TNFRSF10B: variants seen among roughly 807,000 people sequenced by gnomAD.
TNFRSF10B encodes TNF receptor superfamily member 10b.
TNFRSF10B carries 35 observed loss-of-function variants against 41.4 expected under a neutral mutation model. That is an observed-to-expected ratio of 0.85 (90% CI 0.65 to 1.12). The LOEUF (loss-of-function observed/expected upper bound fraction) is 1.12, where lower values mean the gene tolerates loss of function less well. Ranked by LOEUF, TNFRSF10B falls within the 50% of genes most tolerant of loss-of-function variation. The pLI, the probability that TNFRSF10B is intolerant of heterozygous loss-of-function variation, is 0.00. For synonymous variants in TNFRSF10B, 230 were observed against 215.5 expected (o/e 1.07, Z -0.59); for missense variants, 584 against 552.7 (o/e 1.06, Z -0.57).
intron 2 of TNFRSF10B, among the ~76,000 whole-genome samples, chr8:23,035,156 T>A (rs1004945117): frequency 2.0e-5 from 3 of 152,002 alleles, no homozygotes; most frequent in African/African-American, 4.8e-5. Context: ...TTTTTTTTTT[T>A]AATTAAACAG....
At chr8:23,067,323 C>G (rs1449958752) in intron 1 of TNFRSF10B, among the ~76,000 whole-genome samples, 1 of 152,042 alleles carries the variant, frequency 6.6e-6, no homozygotes, top group Non-Finnish European at 1.5e-5. Flanking sequence ...AACATAAACT[C>G]TAAAACCCCA....
At chr8:23,041,435 G>C (rs958404264) in intron 2 of TNFRSF10B, among the ~76,000 whole-genome samples, 2 of 152,080 alleles carry the variant, frequency 1.3e-5, no homozygotes, top group Non-Finnish European at 2.9e-5. Context: ...GGAAGGCCGA[G>C]GTGAGAGGAT....
intron 2 of TNFRSF10B, among the ~76,000 whole-genome samples, chr8:23,033,585 C>CAAA (rs59282000): frequency 1.4e-4 from 9 of 62,278 alleles, no homozygotes; most frequent in Admixed American, 4.3e-4. Context: ...GACTCCGTCT[C>CAAA]AAAAAAAAAA....
In TNFRSF10B at chr8:23,038,521, C is replaced by T. The variant is rs563696755; in HGVS notation, c.250+4617G>A. Among the ~76,000 whole-genome samples the T allele has an allele frequency of 1.5e-4, 23 of 152,234 alleles. 1 individual carries two copies. The highest frequency in any genetic ancestry group is 4.3e-4 in the African/African-American group (18 of 41,546). On this transcript the variant is annotated intron_variant, in intron 2 of 8. Coordinates refer to ENST00000276431, the MANE Select transcript of TNFRSF10B (RefSeq NM_003842.5). Reference sequence around the variant, plus strand: ...TTAAGCGAATATCTGTGTTTTCTTCCTTCTCTTATCCCCTTGTTATGTAAC... The same window carrying T: ...TTAAGCGAATATCTGTGTTTTCTTCTTTCTCTTATCCCCTTGTTATGTAAC...
At chr8:23,063,822 G>A (rs1474069157) in intron 1 of TNFRSF10B, among the ~76,000 whole-genome samples, 1 of 152,154 alleles carries the variant, frequency 6.6e-6, no homozygotes, top group Non-Finnish European at 1.5e-5. Context: ...GGGAAAACTT[G>A]ACAATGGCCT....
intron 1 of TNFRSF10B, among the ~76,000 whole-genome samples, chr8:23,067,276 C>G (rs149777525): frequency 1.3e-5 from 2 of 152,182 alleles, no homozygotes; most frequent in African/African-American, 4.8e-5. Context: ...CCAGACCCGG[C>G]TGTTGTGGCT....
chr8:23,054,955 T>C (rs1812621430), intron 1 of TNFRSF10B, among the ~76,000 whole-genome samples: 2 of 152,182 alleles, frequency 1.3e-5, no homozygotes, highest in Non-Finnish European at 1.5e-5. Context: ...CCATGATTTG[T>C]CTTTTAATAA....
Position 23,068,509 on chromosome 8 carries a change from C to A in TNFRSF10B, c.144+242G>T, listed in dbSNP as rs575903942. Reference sequence around the variant, plus strand: ...GAATTCCCTCCTTGTCGCCCTCCCCCACTGGATTCGGGAATTTACACCAAG... The same window carrying A: ...GAATTCCCTCCTTGTCGCCCTCCCCAACTGGATTCGGGAATTTACACCAAG... On this transcript the variant is annotated intron_variant, in intron 1 of 8. Transcript: ENST00000276431. 2.5e-3 allele frequency: 1,471 copies of A among 592,056 alleles called. 3 individuals are homozygous for A. The highest frequency in any genetic ancestry group is 4.8e-3 in the Admixed American group (154 of 31,870). 36.7% of individuals were successfully genotyped at this position (592,056 alleles called of 1,614,324 possible).
intron 2 of TNFRSF10B, among the ~76,000 whole-genome samples, chr8:23,034,849 G>C (rs555955694): frequency 6.6e-6 from 1 of 152,258 alleles, no homozygotes. Context: ...TATTTGGCCT[G>C]TGCCAAAGAC....
At chr8:23,032,966 A>G (rs763427113) in intron 2 of TNFRSF10B, among the ~76,000 whole-genome samples, 4 of 152,232 alleles carry the variant, frequency 2.6e-5, no homozygotes, top group Non-Finnish European at 5.9e-5. Context: ...TGAAAGTAGC[A>G]AGTGGCCCAC....
At position 23,059,355 on chromosome 8, in the gene TNFRSF10B, A is replaced by C. The variant is rs145402795; in HGVS notation, c.144+9396T>G. Among the ~76,000 whole-genome samples, 436 of 152,368 alleles carry C rather than the reference A, an allele frequency of 2.9e-3. 1 individual carries two copies. Among genetic ancestry groups the C allele is most frequent in the Non-Finnish European group, 5.3e-3 (358 of 68,036 alleles). On this transcript the variant is annotated intron_variant, in intron 1 of 8. Transcript: ENST00000276431. ...CAATTCTTTTGGACGTATACCTAGA[A>C]GTGGGAATGATGGATCATCTGCTAA...
At chr8:23,026,347 A>AG (rs1182112677) in intron 7 of TNFRSF10B, among the ~76,000 whole-genome samples, 2 of 152,154 alleles carry the variant, frequency 1.3e-5, no homozygotes, top group Non-Finnish European at 2.9e-5. Flanking sequence ...GTAGCAAAGG[A>AG]GGTGGCAAAA....
At chr8:23,052,850 A>G (rs1477291931) in intron 1 of TNFRSF10B, among the ~76,000 whole-genome samples, 1 of 152,234 alleles carries the variant, frequency 6.6e-6, no homozygotes, top group Non-Finnish European at 1.5e-5. Flanking sequence ...GTTAAATTCT[A>G]GATACGGCCT....
At position 23,020,910 on chromosome 8, in the gene TNFRSF10B, T is replaced by A. The variant is rs1265860017; in HGVS notation, c.*1761A>T. 1 of 453,828 alleles carries A rather than the reference T, an allele frequency of 2.2e-6. No homozygotes were observed. Among genetic ancestry groups the A allele is most frequent in the African/African-American group, 2.0e-5 (1 of 49,910 alleles). The allele number at this position is 453,828 out of a possible 1,614,324, so 28.1% of individuals were successfully genotyped here. Reference sequence around the variant, plus strand: ...TTCCAGAAGTGCAGGGGACAACGCGTGGGATGCCAGATGGAAGTGGGAGAG... The same window carrying A: ...TTCCAGAAGTGCAGGGGACAACGCGAGGGATGCCAGATGGAAGTGGGAGAG... On this transcript the variant is annotated 3_prime_UTR_variant, in exon 9 of 9. Coordinates refer to ENST00000276431, the MANE Select transcript of TNFRSF10B (RefSeq NM_003842.5).
intron 5 of TNFRSF10B, 138 bp downstream of exon 5, chr8:23,028,193 T>C: frequency 8.5e-7 from 1 of 1,180,926 alleles, no homozygotes; most frequent in East Asian, 2.4e-5. Context: ...GGGATGGGGG[T>C]GACCACGAGG....
intron 1 of TNFRSF10B, among the ~76,000 whole-genome samples, chr8:23,054,826 T>G (rs1272681718): frequency 6.6e-6 from 1 of 152,198 alleles, no homozygotes; most frequent in Non-Finnish European, 1.5e-5. Flanking sequence ...TATCTCAGAT[T>G]CCTGCTATGG....
intron 1 of TNFRSF10B, among the ~76,000 whole-genome samples, chr8:23,044,714 C>A (rs986491737): frequency 6.6e-6 from 1 of 151,814 alleles, no homozygotes; most frequent in Non-Finnish European, 1.5e-5. Context: ...TAATGTTGTA[C>A]CTCAAGGAAA....
rs934254767 is a variant in TNFRSF10B at position 23,020,874 on chromosome 8, C to T, written c.*1797G>A. 4.4e-6 allele frequency: 2 copies of T among 453,994 alleles called. No homozygotes were observed. The highest frequency in any genetic ancestry group is 4.0e-5 in the African/African-American group (2 of 49,996). 28.1% of individuals were successfully genotyped at this position (453,994 alleles called of 1,614,324 possible). A position where few individuals can be genotyped will look rare whatever the true frequency, so the allele number is the denominator to read the frequency against. On this transcript the variant is annotated 3_prime_UTR_variant, in exon 9 of 9. Coordinates refer to ENST00000276431, the MANE Select transcript of TNFRSF10B (RefSeq NM_003842.5). The stretch of plus-strand genomic sequence containing the variant: ...AAAGGCAAAGACCAGGAGGCAGCAG[C>T]ACCCTGTGCCTTCCAGAAGTGCAGG...
chr8:23,057,501 C>G (rs1485885549), intron 1 of TNFRSF10B, among the ~76,000 whole-genome samples: 2 of 145,958 alleles, frequency 1.4e-5, no homozygotes, highest in Non-Finnish European at 3.0e-5. Flanking sequence ...GGCATGATCT[C>G]GGCTCACTGC....
Sources: gnomAD v4.1 joint callset for allele counts (sites outside exome capture counted in the v4.1 genomes callset) on GRCh38, gnomAD v4.1.1 for gene constraint, MANE v1.5 for transcripts, NCBI Gene and HGNC (gene_info 2026-07-23, HGNC 2026-07-21) for gene names.